ADGRG7: variants seen among roughly 807,000 people sequenced by gnomAD.
ADGRG7 encodes G-protein coupled receptor 128.
In ADGRG7, 82 loss-of-function variants were observed where a neutral mutation model predicts 88.6. The ratio of observed to expected loss-of-function variants is 0.93; its 90% CI spans 0.77 to 1.11. ADGRG7 has a LOEUF of 1.11. ADGRG7 is among the 50% of genes most tolerant of loss of function. ADGRG7 has a pLI of 0.00. For synonymous variants in ADGRG7, 381 were observed against 345.2 expected (o/e 1.10, Z -1.15); for missense variants, 945 against 953.4 (o/e 0.99, Z 0.12).
intron 3 of ADGRG7, among the ~76,000 whole-genome samples, chr3:100,631,348 A>G (rs1474995732): frequency 6.6e-6 from 1 of 152,136 alleles, no homozygotes; most frequent in Non-Finnish European, 1.5e-5. Flanking sequence ...GAAAGAGTAA[A>G]TAGTATTTTC....
intron 10 of ADGRG7, among the ~76,000 whole-genome samples, chr3:100,648,124 T>C (rs755598070): frequency 3.3e-5 from 5 of 152,210 alleles, no homozygotes; most frequent in Non-Finnish European, 7.4e-5. Context: ...TGATGAGCTA[T>C]GTAAAGCTCA....
At chr3:100,618,577 T>C (rs1404341388) in intron 1 of ADGRG7, among the ~76,000 whole-genome samples, 1 of 152,178 alleles carries the variant, frequency 6.6e-6, no homozygotes, top group Non-Finnish European at 1.5e-5. Flanking sequence ...TTGTTCTATA[T>C]CTCTGTTTTG....
chr3:100,637,023 T>C (rs1353084180), intron 5 of ADGRG7, among the ~76,000 whole-genome samples: 3 of 152,158 alleles, frequency 2.0e-5, no homozygotes, highest in African/African-American at 7.2e-5. Flanking sequence ...TCCTTGGAGT[T>C]TGGTGGGGAG....
intron 6 of ADGRG7, among the ~76,000 whole-genome samples, chr3:100,642,220 T>C (rs1176320035): frequency 1.3e-5 from 2 of 152,224 alleles, no homozygotes; most frequent in African/African-American, 4.8e-5. Context: ...ACTCAACAGA[T>C]ACTGTTTGGT....
intron 5 of ADGRG7, 54 bp from the exon 6 acceptor site, chr3:100,637,248 G>A (rs1300274350): frequency 8.9e-7 from 1 of 1,123,082 alleles, no homozygotes; most frequent in Non-Finnish European, 1.4e-6. Flanking sequence ...TAATGATGGT[G>A]ATGATAATGT....
In ADGRG7 at chr3:100,688,990, C is replaced by A. The variant is rs1049613436; in HGVS notation, c.2137-5754C>A. On this transcript the variant is annotated intron_variant, in intron 15 of 15. Transcript: ENST00000273352. Reference sequence around the variant, plus strand: ...TTGACAGTGGGGTGTTAAAATCTCCCGTTATTATTGTGTGGGAGTCTAAGT... The same window carrying A: ...TTGACAGTGGGGTGTTAAAATCTCCAGTTATTATTGTGTGGGAGTCTAAGT... Among the ~76,000 whole-genome samples, 8 of 152,192 alleles carry A rather than the reference C, an allele frequency of 5.3e-5. No individual in the cohort carries two copies. The East Asian group carries it at 1.5e-3, about 29-fold the overall frequency.
At position 100,655,087 on chromosome 3, in the gene ADGRG7, C is replaced by T. The variant is rs765777950; in HGVS notation, c.1632C>T (p.Asn544=). 2.0e-5 allele frequency: 33 copies of T among 1,614,168 alleles called. No individual in the cohort carries two copies. Among genetic ancestry groups the T allele is most frequent in the Admixed American group, 6.7e-5 (4 of 60,026 alleles). Residue 544 remains asparagine, a synonymous_variant, in exon 12 of 16, where the codon AAC becomes AAT. Coordinates refer to ENST00000273352, the MANE Select transcript of ADGRG7 (RefSeq NM_032787.3). ...TTCTGTTAGTGACATTTACCTGGAA[C>T]GCACTCAGCGCTGCACAGCTCTATT... The part of the protein sequence containing the change: ...HYFLLVTFTW[N]ALSAAQLYYL...
At chr3:100,641,211 A>G (rs1465684795) in intron 6 of ADGRG7, among the ~76,000 whole-genome samples, 2 of 152,244 alleles carry the variant, frequency 1.3e-5, no homozygotes, top group Non-Finnish European at 2.9e-5. Context: ...AAAAAATGGA[A>G]GTCAATGTTT....
chr3:100,648,502 A>C (rs1707796014), intron 10 of ADGRG7, among the ~76,000 whole-genome samples: 2 of 152,176 alleles, frequency 1.3e-5, no homozygotes, highest in African/African-American at 4.8e-5. Context: ...CAGGCATTGC[A>C]TAAAGCATGA....
In ADGRG7 at chr3:100,654,869, G is replaced by A. The variant is rs1158974493; in HGVS notation, c.1414G>A (p.Val472Ile). 6.3e-7 allele frequency: 1 copy of A among 1,595,622 alleles called. No individual in the cohort carries two copies. The highest frequency in any genetic ancestry group is 1.3e-5 in the African/African-American group (1 of 74,520). The change falls in exon 12 of 16, where the codon GTC becomes ATC. Residue 472 changes from valine to isoleucine, a missense_variant. Transcript: ENST00000273352. ...AAAAACCTCAGTAACCTGGGTTTTG[G>A]TCAATCTGTGCATATCAATGTTGAT... is the stretch of plus-strand genomic sequence containing the variant. ...VRKTSVTWVLVNLCISMLIFN... is the reference protein window; with the variant it reads ...VRKTSVTWVLINLCISMLIFN...
chr3:100,667,676 C>CT (rs1299193729), intron 14 of ADGRG7, among the ~76,000 whole-genome samples: 5 of 152,112 alleles, frequency 3.3e-5, no homozygotes, highest in Admixed American at 1.3e-4. Flanking sequence ...ATTTATAATC[C>CT]TTTGGGCATA....
chr3:100,693,402 G>T (rs2094997042), intron 15 of ADGRG7, among the ~76,000 whole-genome samples: 1 of 152,160 alleles, frequency 6.6e-6, no homozygotes, highest in Non-Finnish European at 1.5e-5. Flanking sequence ...AGCACACACT[G>T]TCATAGGGCC....
In ADGRG7 at chr3:100,689,621, T is replaced by C. The variant is rs187622903; in HGVS notation, c.2137-5123T>C. Among the ~76,000 whole-genome samples the C allele has an allele frequency of 1.3e-4, 20 of 152,310 alleles. No homozygotes were observed. In the East Asian group the frequency reaches 3.9e-3, roughly 29 times the overall value. On this transcript the variant is annotated intron_variant, in intron 15 of 15. Transcript: ENST00000273352. ...CTTGTCTGTAAAGGATTTTATTTCT[T>C]CTTCATTTATGAAGCTTAGTTTGGC...
At position 100,635,697 on chromosome 3, in the gene ADGRG7, A is replaced by G. The variant is rs1483380844; in HGVS notation, c.468A>G (p.Pro156=). 8 of 1,613,722 alleles carry G rather than the reference A, an allele frequency of 5.0e-6. No homozygotes were observed. The highest frequency in any genetic ancestry group is 5.9e-6 in the Non-Finnish European group (7 of 1,179,890). The change falls in exon 5 of 16, where the codon CCA becomes CCG. Residue 156 remains proline (P), a synonymous_variant. Transcript: ENST00000273352. ...AACAGGTAAAGGATGTCACAGCACC[A>G]CTTAATAACATTTCTTCTGAAGTCC... ...LEKQVKDVTA[P]LNNISSEVQI...
intron 14 of ADGRG7, 110 bp downstream of exon 14, chr3:100,659,953 G>T: frequency 9.6e-7 from 1 of 1,041,834 alleles, no homozygotes; most frequent in South Asian, 1.6e-5. Flanking sequence ...ACAATGGCAG[G>T]GCTACGTGGT....
chr3:100,652,135 T>G (rs1356470805), intron 11 of ADGRG7, among the ~76,000 whole-genome samples: 2 of 152,136 alleles, frequency 1.3e-5, no homozygotes, highest in Non-Finnish European at 2.9e-5. Flanking sequence ...TACTTTTATA[T>G]AAAAAGATTC....
In ADGRG7 at chr3:100,633,340, G is replaced by A; in HGVS notation, c.410G>A (p.Gly137Glu). The A allele has an allele frequency of 1.3e-6, 2 of 1,588,992 alleles. No individual in the cohort carries two copies. The highest frequency in any genetic ancestry group is 1.1e-5 in the South Asian group (1 of 87,502). ...ATAGAATTACAAAAAGTGACAATAG[G>A]AAATTGCAATGAAAATCTGGAAACC... ...GEIELQKVTI[G>E]NCNENLETLE... Residue 137 changes from glycine (G) to glutamate (E), a missense_variant, in exon 4 of 16, where the codon GGA (glycine) becomes GAA (glutamate). Gly to Glu is a moderately conservative substitution (Grantham distance 98, BLOSUM62 -2). Coordinates refer to ENST00000273352, the MANE Select transcript of ADGRG7 (RefSeq NM_032787.3).
intron 15 of ADGRG7, among the ~76,000 whole-genome samples, chr3:100,680,632 T>C (rs1413114696): frequency 6.6e-6 from 1 of 152,104 alleles, no homozygotes; most frequent in Non-Finnish European, 1.5e-5. Flanking sequence ...GTTTTGGGGG[T>C]CAATTTAGGG....
In ADGRG7 at chr3:100,674,319, T is replaced by C. The variant is rs575593766; in HGVS notation, c.2136+5214T>C. Among the ~76,000 whole-genome samples, 4 of 152,312 alleles carry C rather than the reference T, an allele frequency of 2.6e-5. No homozygotes were observed. The South Asian group carries it at 8.3e-4, about 32-fold the overall frequency. ...AATTTTAGGAACATTTTTTTCTTTTTCTGTGAAGAATGCCATTGGTGTTTT... is the reference window on the plus strand; with the variant it reads ...AATTTTAGGAACATTTTTTTCTTTTCCTGTGAAGAATGCCATTGGTGTTTT... On this transcript the variant is annotated intron_variant, in intron 15 of 15. Coordinates refer to ENST00000273352, the MANE Select transcript of ADGRG7 (RefSeq NM_032787.3).
Sources: gnomAD v4.1 joint callset for allele counts (sites outside exome capture counted in the v4.1 genomes callset) on GRCh38, gnomAD v4.1.1 for gene constraint, MANE v1.5 for transcripts, NCBI Gene and HGNC (gene_info 2026-07-23, HGNC 2026-07-21) for gene names.